CRACD: variants seen among roughly 807,000 people sequenced by gnomAD.
CRACD encodes the protein capping protein-inhibiting regulator of actin dynamics.
Under a neutral mutation model 106.8 loss-of-function variants are expected in CRACD, and 56 were observed. That is an observed-to-expected ratio of 0.52 (90% CI 0.42 to 0.66). The LOEUF is 0.66. Ranked by LOEUF, CRACD falls within the 30% of genes least tolerant of loss-of-function variation. The probability of loss-of-function intolerance (pLI) is 0.00; values close to 1 mark genes in which losing one functional copy is unlikely to be tolerated. For missense variants in CRACD, 1,730 were observed against 1,623.2 expected (o/e 1.07, Z -1.13); for synonymous variants, 754 against 670.8 (o/e 1.12, Z -1.92).
intron 2 of CRACD, among the ~76,000 whole-genome samples, chr4:56,267,037 C>A (rs1002869671): frequency 8.5e-5 from 13 of 152,076 alleles, no homozygotes; most frequent in African/African-American, 4.8e-5. Flanking sequence ...ATTTCTGAGT[C>A]TTTTCAGGAA....
intron 2 of CRACD, among the ~76,000 whole-genome samples, chr4:56,243,300 G>T (rs970012797): frequency 6.6e-6 from 1 of 152,218 alleles, no homozygotes. Context: ...AAGATCAGGC[G>T]TTAGGAGATA....
chr4:56,320,543 A>G (rs2109790756), intron 8 of CRACD, among the ~76,000 whole-genome samples: 1 of 152,326 alleles, frequency 6.6e-6, no homozygotes, highest in Admixed American at 6.5e-5. Flanking sequence ...AGTTATTTGC[A>G]TCGTCTCCTT....
At chr4:56,062,875 T>C (rs1414303639) in intron 1 of CRACD, among the ~76,000 whole-genome samples, 2 of 152,224 alleles carry the variant, frequency 1.3e-5, no homozygotes, top group African/African-American at 2.4e-5. Context: ...TTGCTGAAGA[T>C]AGAAACACCT....
At chr4:56,139,326 CCT>C (rs780228949) in intron 1 of CRACD, among the ~76,000 whole-genome samples, 1 of 150,970 alleles carries the variant, frequency 6.6e-6, no homozygotes, top group African/African-American at 2.5e-5. Flanking sequence ...TTCCTCTCTT[CCT>C]CTCTCTTTCT....
At chr4:56,305,725 C>T (rs1744651877) in intron 4 of CRACD, among the ~76,000 whole-genome samples, 1 of 152,152 alleles carries the variant, frequency 6.6e-6, no homozygotes, top group South Asian at 2.1e-4. Context: ...GTGCTCCTGA[C>T]TTGGCATGCT....
At chr4:56,181,115 A>G (rs1736802992) in intron 2 of CRACD, among the ~76,000 whole-genome samples, 1 of 152,248 alleles carries the variant, frequency 6.6e-6, no homozygotes. Flanking sequence ...TAAATAATGC[A>G]TATAATAAAC....
chr4:56,118,287 C>T (rs552842791), intron 1 of CRACD, among the ~76,000 whole-genome samples: 1 of 152,308 alleles, frequency 6.6e-6, no homozygotes, highest in East Asian at 1.9e-4. Flanking sequence ...CACCTACATG[C>T]TTCTGAGCGC....
In CRACD at chr4:56,316,252, G is replaced by C. The variant is rs1321187302; in HGVS notation, c.2750G>C (p.Arg917Pro). The C allele has an allele frequency of 3.1e-6, 5 of 1,613,822 alleles. No homozygotes were observed. The highest frequency in any genetic ancestry group is 4.2e-6 in the Non-Finnish European group (5 of 1,179,836). The change falls in exon 8 of 11, where the codon CGG (arginine) becomes CCG (proline). Residue 917 changes from arginine to proline, a missense_variant. This residue lies in a region of CRACD where 1,620 missense variants were observed against 1,481.6 expected (regional missense o/e 1.09). Transcript: ENST00000682029. ...PQERKQAPST[R>P]RDSAEPSSSR... ...GAGCGGAAGCAAGCCCCTTCCACCCGGAGGGACTCCGCTGAACCTTCCAGC... is the reference window on the plus strand; with the variant it reads ...GAGCGGAAGCAAGCCCCTTCCACCCCGAGGGACTCCGCTGAACCTTCCAGC...
chr4:56,118,335 G>T (rs2109850815), intron 1 of CRACD, among the ~76,000 whole-genome samples: 1 of 152,252 alleles, frequency 6.6e-6, no homozygotes, highest in South Asian at 2.1e-4. Context: ...AACACTTACT[G>T]GTACTATACT....
intron 2 of CRACD, among the ~76,000 whole-genome samples, chr4:56,181,723 C>T (rs1406361531): frequency 1.2e-4 from 18 of 152,300 alleles, no homozygotes; most frequent in Admixed American, 1.2e-3. Context: ...TCCTGGGCTG[C>T]AGCTGCATCC....
At chr4:56,206,809 A>G (rs1005010137) in intron 2 of CRACD, among the ~76,000 whole-genome samples, 1 of 152,152 alleles carries the variant, frequency 6.6e-6, no homozygotes, top group East Asian at 1.9e-4. Context: ...TGCCACTCTC[A>G]TGTATCATCA....
chr4:56,154,745 A>G (rs1735712097), intron 1 of CRACD, among the ~76,000 whole-genome samples: 1 of 152,190 alleles, frequency 6.6e-6, no homozygotes, highest in African/African-American at 2.4e-5. Flanking sequence ...ACAGAAATGT[A>G]GAGTGGGAAA....
chr4:56,190,303 T>A (rs889608424), intron 2 of CRACD, among the ~76,000 whole-genome samples: 4 of 151,754 alleles, frequency 2.6e-5, no homozygotes, highest in Admixed American at 6.6e-5. Context: ...TCTTTATAGC[T>A]GCATGATTTA....
intron 1 of CRACD, among the ~76,000 whole-genome samples, chr4:56,177,572 C>G (rs923773332): frequency 2.6e-5 from 4 of 152,068 alleles, no homozygotes; most frequent in African/African-American, 9.7e-5. Context: ...CAATTTGTTG[C>G]AACAGTTTGA....
chr4:56,291,461 G>A lies in CRACD; in HGVS notation c.-16-6753G>A, dbSNP rs12651338. ...CATGGTTTCAAGCTGAGATCTCCACGCAAAGGCTATTCAGTTTCAATTCCA... is the reference window on the plus strand; with the variant it reads ...CATGGTTTCAAGCTGAGATCTCCACACAAAGGCTATTCAGTTTCAATTCCA... On this transcript the variant is annotated intron_variant, in intron 3 of 10. Coordinates refer to ENST00000682029, the MANE Select transcript of CRACD (RefSeq NM_001393381.1). Among the ~76,000 whole-genome samples the A allele has an allele frequency of 2.1e-3, 319 of 152,198 alleles. 1 individual carries two copies. In the East Asian group the frequency reaches 0.026, roughly 12 times the overall value.
chr4:56,175,041 A>G (rs900688239), intron 1 of CRACD, among the ~76,000 whole-genome samples: 1 of 152,204 alleles, frequency 6.6e-6, no homozygotes, highest in Admixed American at 6.5e-5. Flanking sequence ...ATCCATCCCC[A>G]TGATCCAGTC....
chr4:56,190,611 G>A (rs1471094869), intron 2 of CRACD, among the ~76,000 whole-genome samples: 1 of 152,214 alleles, frequency 6.6e-6, no homozygotes. Flanking sequence ...TAAGAGGTGG[G>A]CTTCTATGGC....
At chr4:56,111,523 C>A (rs1011375859) in intron 1 of CRACD, among the ~76,000 whole-genome samples, 1 of 152,120 alleles carries the variant, frequency 6.6e-6, no homozygotes, top group African/African-American at 2.4e-5. Flanking sequence ...AAATGTAAGT[C>A]ATTTGAAAAG....
chr4:56,098,989 T>G (rs1733692250), intron 1 of CRACD, among the ~76,000 whole-genome samples: 1 of 152,218 alleles, frequency 6.6e-6, no homozygotes, highest in Non-Finnish European at 1.5e-5. Flanking sequence ...CGGGATCTAT[T>G]CTTTACCAAG....
Sources: gnomAD v4.1 joint callset for allele counts (sites outside exome capture counted in the v4.1 genomes callset) on GRCh38, gnomAD v4.1.1 for gene constraint, gnomAD v4.1.1 regional missense constraint, MANE v1.5 for transcripts, NCBI Gene and HGNC (gene_info 2026-07-23, HGNC 2026-07-21) for gene names.